Variants in CFAP92 observed in about 807,000 individuals in gnomAD.
The protein encoded by CFAP92 is cilia and flagella associated protein 92 (putative), also known as uncharacterized protein CFAP92.
CFAP92 carries 86 observed loss-of-function variants against 106.3 expected under a neutral mutation model. The ratio of observed to expected loss-of-function variants is 0.81; its 90% confidence interval spans 0.68 to 0.97. CFAP92 has a LOEUF of 0.97. CFAP92 is among the 50% of genes least tolerant of loss of function. CFAP92 has a pLI of 0.00. For missense variants in CFAP92, 1,204 were observed against 1,283.8 expected, an observed-to-expected ratio of 0.94 and a Z score of 0.95; for synonymous variants, 477 against 506.4, an observed-to-expected ratio of 0.94 and a Z score of 0.78.
Position 128,962,637 on chromosome 3 carries a change from A to ATG in CFAP92, c.1353+2873_1353+2874insCA, listed in dbSNP as rs1193897142. 2.0e-5 allele frequency among the ~76,000 whole-genome samples: 3 copies of ATG among 151,862 alleles called. No individual in the cohort carries two copies. The East Asian group carries it at 5.8e-4, about 29-fold the overall frequency. ...CTCCCTCCTTGGCAACTGATCACGC[A>ATG]CCCCTTACCATCTCATTAAAACCTA... On this transcript the variant is annotated intron_variant, in intron 9 of 15. Coordinates refer to ENST00000645291, the MANE Select transcript of CFAP92 (RefSeq NM_001394090.1).
chr3:128,956,988 A>AAAAAAG (rs1334652476), intron 9 of CFAP92, among the ~76,000 whole-genome samples: 3 of 137,708 alleles, frequency 2.2e-5, no homozygotes, highest in African/African-American at 7.7e-5. Context: ...AAAAAAAAAA[A>AAAAAAG]AAAAAAAAAG....
At chr3:128,913,489 C>G (rs1936565258) in intron 15 of CFAP92, among the ~76,000 whole-genome samples, 1 of 152,138 alleles carries the variant, frequency 6.6e-6, no homozygotes, top group South Asian at 2.1e-4. Context: ...ACACCAGGTC[C>G]CAGCGTGCTC....
chr3:128,910,138 C>G lies in CFAP92; in HGVS notation c.*161G>C. ...CTCCATCCGCATTGGGCTCCGCAAC[C>G]ACGACCACGAGGTGAGCCCAGCCCA... On this transcript the variant is annotated 3_prime_UTR_variant, in exon 16 of 16. Transcript: ENST00000645291. 1 of 1,614,066 alleles carries G rather than the reference C, an allele frequency of 6.2e-7. No individual in the cohort carries two copies. The highest frequency in any genetic ancestry group is 8.5e-7 in the Non-Finnish European group (1 of 1,180,042).
At position 129,002,051 on chromosome 3, in the gene CFAP92, C is replaced by T. The variant is rs554623904; in HGVS notation, n.117+523G>A. On this transcript the variant is annotated intron_variant and non_coding_transcript_variant, in intron 1 of 4. Transcript: ENST00000510149. The stretch of plus-strand genomic sequence containing the variant: ...TGCGCGCCGAGCCGCCGGAGCTCAC[C>T]TTCCGCCAGTTCCACGCGCGCCTCT... 264 of 1,541,306 alleles carry T rather than the reference C, an allele frequency of 1.7e-4. 2 individuals carry two copies. The South Asian group carries it at 2.9e-3, about 17-fold the overall frequency.
In CFAP92 at chr3:128,963,762, A is replaced by G. The variant is rs577997809; in HGVS notation, c.1353+1749T>C. Among the ~76,000 whole-genome samples the G allele has an allele frequency of 4.6e-3, 693 of 149,588 alleles. 4 individuals are homozygous for G. Among genetic ancestry groups the G allele is most frequent in the African/African-American group, 0.016 (653 of 40,012 alleles). On this transcript the variant is annotated intron_variant, in intron 9 of 15. Transcript: ENST00000645291. ...ACTAGCCCGCCTCTCAGAACCTCTC[A>G]TTTCCTTTCCATCCTGGAAATCTAT...
chr3:128,963,498 T>C (rs1019418597), intron 9 of CFAP92, among the ~76,000 whole-genome samples: 1 of 152,208 alleles, frequency 6.6e-6, no homozygotes, highest in South Asian at 2.1e-4. Flanking sequence ...ACTCACTCTT[T>C]AAGTCTCACA....
intron 11 of CFAP92, 128 bp from the exon 12 acceptor site, chr3:128,933,125 G>A: frequency 4.8e-6 from 4 of 836,508 alleles, no homozygotes; most frequent in South Asian, 1.7e-5. Context: ...TGGAGCTTGT[G>A]ACTAAAGAGC....
chr3:128,994,125 GC>G (rs1944389581), upstream of CFAP92: 1 of 985,688 alleles, frequency 1.0e-6, no homozygotes, highest in Non-Finnish European at 1.2e-6. Context: ...CAGCCACTCA[GC>G]TACGTTTGGC....
At chr3:129,009,666 A>G in the CFAP92 span, among the ~76,000 whole-genome samples, 41 of 152,352 alleles carry the variant, frequency 2.7e-4, no homozygotes, top group African/African-American at 9.4e-4. Context: ...TACCCCAGAC[A>G]CATTCAAGGA....
chr3:129,001,495 C>T (rs1944742739), intron 1 of CFAP92: 4 of 1,278,500 alleles, frequency 3.1e-6, no homozygotes, highest in Non-Finnish European at 4.0e-6. Context: ...CTGCTGGACA[C>T]GGTCCCCGGC....
At chr3:128,999,839 G>A (rs1012696688) in intron 1 of CFAP92, among the ~76,000 whole-genome samples, 5 of 152,138 alleles carry the variant, frequency 3.3e-5, no homozygotes, top group African/African-American at 9.6e-5. Flanking sequence ...CACCGCGACC[G>A]GCCAAGAAAA....
intron 8 of CFAP92, chr3:128,970,749 T>C (rs1412689313): frequency 6.5e-6 from 1 of 154,068 alleles, no homozygotes. Flanking sequence ...CTTAACCTCT[T>C]TGAGTTCTTT....
At chr3:128,988,517 G>A (rs114606693) in intron 3 of CFAP92, among the ~76,000 whole-genome samples, 22,255 of 151,826 alleles carry the variant, frequency 0.15, 1,795 homozygotes, top group Middle Eastern at 0.18. Flanking sequence ...TCCAGCCTGG[G>A]CAACAGAGCA....
intron 9 of CFAP92, among the ~76,000 whole-genome samples, chr3:128,964,183 C>T (rs1470374647): frequency 6.6e-6 from 1 of 152,218 alleles, no homozygotes; most frequent in Non-Finnish European, 1.5e-5. Context: ...GGTCCTCCGT[C>T]TTCAAGAAAA....
upstream of CFAP92, among the ~76,000 whole-genome samples, chr3:129,006,126 T>C (rs529498883): frequency 1.3e-5 from 2 of 152,220 alleles, no homozygotes; most frequent in Non-Finnish European, 2.9e-5. Context: ...AGTTAAGTAA[T>C]GTACCCAAGG....
intron 3 of CFAP92, 67 bp downstream of exon 3, chr3:128,988,661 T>G: frequency 2.0e-6 from 3 of 1,512,572 alleles, no homozygotes; most frequent in South Asian, 1.2e-5. Context: ...TGCATATCCA[T>G]GGAGCAGCAC....
At chr3:128,984,160 G>A (rs1281567642) in intron 4 of CFAP92, among the ~76,000 whole-genome samples, 1 of 152,230 alleles carries the variant, frequency 6.6e-6, no homozygotes, top group Non-Finnish European at 1.5e-5. Context: ...CCAGTCCTGA[G>A]AAATCGAGCA....
At chr3:128,957,825 C>T (rs1455363895) in intron 9 of CFAP92, among the ~76,000 whole-genome samples, 1 of 84,372 alleles carries the variant, frequency 1.2e-5, no homozygotes. Context: ...TACGAAGCGC[C>T]ATAAACTGGG....
chr3:129,001,996 C>T, intron 1 of CFAP92: 2 of 1,546,010 alleles, frequency 1.3e-6, no homozygotes, highest in Non-Finnish European at 8.7e-7. Context: ...GACGGGGACT[C>T]AGATACCGAT....
Sources: allele counts gnomAD v4.1 joint callset (sites outside exome capture counted in the v4.1 genomes callset), GRCh38; gene constraint gnomAD v4.1.1; transcripts MANE v1.5; gene names NCBI Gene and HGNC (gene_info 2026-07-23, HGNC 2026-07-21).